Variants in ZBTB8B observed in about 807,000 individuals in gnomAD.
ZBTB8B encodes the protein zinc finger and BTB domain containing 8B, also known as zinc finger and BTB domain-containing protein 8B.
Under a neutral mutation model 30.3 loss-of-function variants are expected in ZBTB8B, and 17 were observed. The ratio of observed to expected loss-of-function variants is 0.56; its 90% CI spans 0.38 to 0.84. The LOEUF is 0.84. ZBTB8B is among the 40% of genes least tolerant of loss of function. ZBTB8B has a pLI of 0.00. For synonymous variants in ZBTB8B, 248 were observed against 255.6 expected, an observed-to-expected ratio of 0.97 and a Z score of 0.28; for missense variants, 515 against 644.9, an observed-to-expected ratio of 0.80 and a Z score of 2.18.
chr1:32,465,884 T>C lies in ZBTB8B; in HGVS notation c.-42+779T>C, dbSNP rs1209123020. Among the ~76,000 whole-genome samples the C allele has an allele frequency of 6.6e-6, 1 of 152,090 alleles. No individual in the cohort carries two copies. The highest frequency in any genetic ancestry group is 2.4e-5 in the African/African-American group (1 of 41,412). ...TACTGGATTATTGTGAGGTGAAAACTAATGTGCTTGTAAAAGCCAGGCATG... is the reference window on the plus strand; with the variant it reads ...TACTGGATTATTGTGAGGTGAAAACCAATGTGCTTGTAAAAGCCAGGCATG... On this transcript the variant is annotated intron_variant, in intron 1 of 3. Coordinates refer to ENST00000609129, the MANE Select transcript of ZBTB8B (RefSeq NM_001145720.2). The surrounding 1 kb of genome is among the most constrained non-coding windows in gnomAD (Gnocchi z 4.1).
At position 32,491,782 on chromosome 1, in the gene ZBTB8B, C is replaced by G. The variant is rs986801456; in HGVS notation, c.*6364C>G. 2.0e-5 allele frequency: 3 copies of G among 152,224 alleles called. No individual in the cohort carries two copies. Among genetic ancestry groups the G allele is most frequent in the Non-Finnish European group, 2.9e-5 (2 of 68,034 alleles). The allele number at this position is 152,224 out of a possible 1,614,324, so 9.4% of individuals were successfully genotyped here. On this transcript the variant is annotated 3_prime_UTR_variant, in exon 4 of 4. Transcript: ENST00000609129. ...CAGATGCAGTTTACCAATTGGGCAT[C>G]ATGTCTACCATATGTAACATTGCCT...
intron 3 of ZBTB8B, among the ~76,000 whole-genome samples, chr1:32,482,259 A>G (rs542719431): frequency 1.3e-5 from 2 of 152,022 alleles, no homozygotes; most frequent in South Asian, 4.2e-4. Flanking sequence ...TCAGCCTCCC[A>G]AAGTGCTGGG....
In ZBTB8B at chr1:32,488,326, C is replaced by A. The variant is rs1156466011; in HGVS notation, c.*2908C>A. The A allele has an allele frequency of 6.6e-6, 1 of 152,166 alleles. No homozygotes were observed. The highest frequency in any genetic ancestry group is 2.4e-5 in the African/African-American group (1 of 41,442). The allele number at this position is 152,166 out of a possible 1,614,324, so 9.4% of individuals were successfully genotyped here. On this transcript the variant is annotated 3_prime_UTR_variant, in exon 4 of 4. Coordinates refer to ENST00000609129, the MANE Select transcript of ZBTB8B (RefSeq NM_001145720.2). ...TGGATGTGTAGAAGATTTACTTGGC[C>A]AGGAACAGTGTTTGATATTTTTGCT...
At chr1:32,481,438 G>T (rs1471499862) in intron 3 of ZBTB8B, among the ~76,000 whole-genome samples, 3 of 151,846 alleles carry the variant, frequency 2.0e-5, no homozygotes, top group African/African-American at 4.8e-5. Flanking sequence ...TTCCCACCGA[G>T]CCCCAGCACC....
At chr1:32,469,630 A>G (rs865812850) in intron 1 of ZBTB8B, among the ~76,000 whole-genome samples, 1 of 152,194 alleles carries the variant, frequency 6.6e-6, no homozygotes, top group Admixed American at 6.5e-5. Context: ...ACATTAGAGC[A>G]TTGGCTCTGG....
chr1:32,467,243 G>GC (rs1278808348), intron 1 of ZBTB8B, among the ~76,000 whole-genome samples: 1 of 134,700 alleles, frequency 7.4e-6, no homozygotes, highest in Non-Finnish European at 1.6e-5. Flanking sequence ...CCACACACTT[G>GC]TTTTTTTTTT....
chr1:32,471,249 GAC>G lies in ZBTB8B; in HGVS notation c.627_628del (p.Asp209GlufsTer8). The G allele has an allele frequency of 6.4e-7, 1 of 1,551,952 alleles. No individual in the cohort carries two copies. Among genetic ancestry groups the G allele is most frequent in the Non-Finnish European group, 8.7e-7 (1 of 1,147,050 alleles). ...CCACCCCTTGGAACTGGTGGTGAGA[GAC>G]AGCCTTGGCGGTGGCTCGGCTGACA... ...DCHPLELVVR[D>X]SLGGGSADSN... On this transcript the variant is annotated frameshift_variant, in exon 2 of 4. Coordinates refer to ENST00000609129, the MANE Select transcript of ZBTB8B (RefSeq NM_001145720.2). LOFTEE classifies it high-confidence loss of function.
intron 2 of ZBTB8B, among the ~76,000 whole-genome samples, chr1:32,474,102 C>T (rs527646231): frequency 4.6e-5 from 7 of 151,924 alleles, no homozygotes; most frequent in East Asian, 3.9e-4. Flanking sequence ...CCCCCTGCCT[C>T]GGCCTCTCAA....
At chr1:32,469,027 C>A (rs1255025044) in intron 1 of ZBTB8B, among the ~76,000 whole-genome samples, 7 of 151,098 alleles carry the variant, frequency 4.6e-5, no homozygotes, top group African/African-American at 1.7e-4. Context: ...GCCATCTCTA[C>A]AAAAAAAAAT....
chr1:32,486,986 G>A lies in ZBTB8B; in HGVS notation c.*1568G>A, dbSNP rs1268955796. Reference sequence around the variant, plus strand: ...GGCTGAACTCTTTAAAGGGCTAAAGGGCAGGCAGTGTTAGGAATTCGGAAT... The same window carrying A: ...GGCTGAACTCTTTAAAGGGCTAAAGAGCAGGCAGTGTTAGGAATTCGGAAT... On this transcript the variant is annotated 3_prime_UTR_variant, in exon 4 of 4. Transcript: ENST00000609129. 6.6e-6 allele frequency: 1 copy of A among 152,116 alleles called. No individual in the cohort carries two copies. The highest frequency in any genetic ancestry group is 6.5e-5 in the Admixed American group (1 of 15,268). The allele number at this position is 152,116 out of a possible 1,614,324, so 9.4% of individuals were successfully genotyped here.
Position 32,492,092 on chromosome 1 carries a change from G to A in ZBTB8B, c.*6674G>A, listed in dbSNP as rs1311212397. 3 of 152,134 alleles carry A rather than the reference G, an allele frequency of 2.0e-5. No individual in the cohort carries two copies. The highest frequency in any genetic ancestry group is 7.2e-5 in the African/African-American group (3 of 41,410). 9.4% of individuals were successfully genotyped at this position (152,134 alleles called of 1,614,324 possible). A position where few individuals can be genotyped will look rare whatever the true frequency, so the allele number is the denominator to read the frequency against. On this transcript the variant is annotated 3_prime_UTR_variant, in exon 4 of 4. Coordinates refer to ENST00000609129, the MANE Select transcript of ZBTB8B (RefSeq NM_001145720.2). ...GACAGTTTGCAAATTTTGGTAAGGTGTGTGTAAGAGTTGGCTTAACAGTCA... is the reference window on the plus strand; with the variant it reads ...GACAGTTTGCAAATTTTGGTAAGGTATGTGTAAGAGTTGGCTTAACAGTCA...
Position 32,469,913 on chromosome 1 carries a change from A to C in ZBTB8B, c.-41-671A>C, listed in dbSNP as rs931015718. Among the ~76,000 whole-genome samples the C allele has an allele frequency of 4.6e-5, 7 of 152,216 alleles. No homozygotes were observed. The South Asian group carries it at 1.0e-3, about 23-fold the overall frequency. ...ATTATTATTATTATTTTGAGACAGA[A>C]TCTTGCTCTGTCACCCAGGTTGGAG... On this transcript the variant is annotated intron_variant, in intron 1 of 3. Transcript: ENST00000609129.
At chr1:32,470,499 CAAAAA>C (rs60700558) in intron 1 of ZBTB8B, 80 bp from the exon 2 acceptor site, 1,893 of 356,546 alleles carry the variant, frequency 5.3e-3, no homozygotes, top group South Asian at 9.9e-3. Context: ...GACGCTGACT[CAAAAA>C]AAAAAAAAAA....
chr1:32,473,943 T>C (rs1160101993), intron 2 of ZBTB8B, among the ~76,000 whole-genome samples: 2 of 151,990 alleles, frequency 1.3e-5, no homozygotes, highest in East Asian at 1.9e-4. Context: ...CTCTGCCACC[T>C]GGGTTCAAGC....
Position 32,470,811 on chromosome 1 carries a change from C to T in ZBTB8B, c.187C>T (p.His63Tyr). 1 of 1,551,858 alleles carries T rather than the reference C, an allele frequency of 6.4e-7. No individual in the cohort carries two copies. Among genetic ancestry groups the T allele is most frequent in the Non-Finnish European group, 8.7e-7 (1 of 1,147,024 alleles). The change falls in exon 2 of 4, where the codon CAT becomes TAT. Residue 63 changes from histidine to tyrosine, a missense_variant. By Grantham distance (83) the His-to-Tyr change is moderately conservative (BLOSUM62 2). Coordinates refer to ENST00000609129, the MANE Select transcript of ZBTB8B (RefSeq NM_001145720.2). The stretch of plus-strand genomic sequence containing the variant: ...TCACTATATCCAGGACAGCGGGCGG[C>T]ATAGCACCGCCTCCTTGGACATTGT... ...LIHYIQDSGRHSTASLDIVTS... is the reference protein window; with the variant it reads ...LIHYIQDSGRYSTASLDIVTS...
Position 32,471,320 on chromosome 1 carries a change from A to G in ZBTB8B, c.696A>G (p.Glu232=). The G allele has an allele frequency of 1.3e-6, 2 of 1,551,798 alleles. No individual in the cohort carries two copies. Among genetic ancestry groups the G allele is most frequent in the Non-Finnish European group, 1.7e-6 (2 of 1,147,000 alleles). The change falls in exon 2 of 4, where the codon GAA becomes GAG. Residue 232 remains glutamate (E), a synonymous_variant. Coordinates refer to ENST00000609129, the MANE Select transcript of ZBTB8B (RefSeq NM_001145720.2). ...CCAAACGGATAGAGCCCAAGGTGGA[A>G]TTTGATGCTGATGAAGTGGAGGTGG... The part of the protein sequence containing the change: ...TPPKRIEPKV[E]FDADEVEVDV...
chr1:32,474,343 C>CAAAAAAAAAAAAAA (rs57001984), intron 2 of ZBTB8B, among the ~76,000 whole-genome samples: 12 of 39,166 alleles, frequency 3.1e-4, no homozygotes, highest in African/African-American at 3.9e-4. Context: ...CCCATCTCTA[C>CAAAAAAAAAAAAAA]AAAAAAAAAA....
rs1643814482 is a variant in ZBTB8B, at chr1:32,495,963, A to G, written c.*10545A>G. Reference sequence around the variant, plus strand: ...CACATTAATGAGTGAATAACCCTTCATAATTTTAGTTACTGTTTTTCTCAG... The same window carrying G: ...CACATTAATGAGTGAATAACCCTTCGTAATTTTAGTTACTGTTTTTCTCAG... On this transcript the variant is annotated 3_prime_UTR_variant, in exon 4 of 4. Coordinates refer to ENST00000609129, the MANE Select transcript of ZBTB8B (RefSeq NM_001145720.2). 1 of 152,178 alleles carries G rather than the reference A, an allele frequency of 6.6e-6. No individual in the cohort carries two copies. Among genetic ancestry groups the G allele is most frequent in the African/African-American group, 2.4e-5 (1 of 41,458 alleles). The allele number at this position is 152,178 out of a possible 1,614,324, so 9.4% of individuals were successfully genotyped here.
chr1:32,489,310 A>G lies in ZBTB8B; in HGVS notation c.*3892A>G, dbSNP rs564294814. ...TGTTAATTTTTAAAGTAGCAGAATC[A>G]CTGGGAAGAAAACAGAATGTGACAC... On this transcript the variant is annotated 3_prime_UTR_variant, in exon 4 of 4. Coordinates refer to ENST00000609129, the MANE Select transcript of ZBTB8B (RefSeq NM_001145720.2). 2 of 152,334 alleles carry G rather than the reference A, an allele frequency of 1.3e-5. No homozygotes were observed. The highest frequency in any genetic ancestry group is 4.8e-5 in the African/African-American group (2 of 41,576). 9.4% of individuals were successfully genotyped at this position (152,334 alleles called of 1,614,324 possible).
Sources: allele counts gnomAD v4.1 joint callset (sites outside exome capture counted in the v4.1 genomes callset), GRCh38; gene constraint gnomAD v4.1.1; non-coding constraint Gnocchi (gnomAD v3.1); transcripts MANE v1.5; gene names NCBI Gene and HGNC (gene_info 2026-07-23, HGNC 2026-07-21).